ADK: variants seen among roughly 807,000 people sequenced by gnomAD.
ADK encodes adenosine kinase, also known as N6,N6-dimethyladenosine kinase.
In ADK, 24 loss-of-function variants were observed where a neutral mutation model predicts 44.7. The observed-to-expected ratio is 0.54, with a 90% CI of 0.39 to 0.76. The LOEUF is 0.76. ADK is among the 30% of genes least tolerant of loss of function. The pLI is 0.00. For missense variants in ADK, 321 were observed against 425.1 expected, an observed-to-expected ratio of 0.76 and a Z score of 2.15; for synonymous variants, 128 against 142.6, an observed-to-expected ratio of 0.90 and a Z score of 0.73.
At chr10:74,651,838 A>G (rs574873729) in intron 9 of ADK, among the ~76,000 whole-genome samples, 3 of 152,344 alleles carry the variant, frequency 2.0e-5, no homozygotes, top group Admixed American at 6.5e-5. Context: ...GAGTAACCAC[A>G]TGAATGAATG....
chr10:74,531,404 C>T (rs1256060837), intron 7 of ADK, among the ~76,000 whole-genome samples: 1 of 152,112 alleles, frequency 6.6e-6, no homozygotes, highest in African/African-American at 2.4e-5. Context: ...ACACAAAGTA[C>T]TAAATCATAC....
At chr10:74,249,098 G>A (rs1394355942) in intron 3 of ADK, among the ~76,000 whole-genome samples, 1 of 152,028 alleles carries the variant, frequency 6.6e-6, no homozygotes, top group Non-Finnish European at 1.5e-5. Flanking sequence ...ATTCTCTTCG[G>A]TTGTTGCTGG....
At chr10:74,263,612 T>C (rs1846118794) in intron 3 of ADK, among the ~76,000 whole-genome samples, 1 of 152,214 alleles carries the variant, frequency 6.6e-6, no homozygotes, top group Non-Finnish European at 1.5e-5. Flanking sequence ...GTTCTCTGTA[T>C]ACCTGTCTTC....
At chr10:74,209,418 A>G (rs1843726344) in intron 2 of ADK, among the ~76,000 whole-genome samples, 2 of 152,230 alleles carry the variant, frequency 1.3e-5, no homozygotes, top group Admixed American at 6.5e-5. Context: ...ACCCCAAACA[A>G]AATAAGAAAA....
chr10:74,679,961 A>C, intron 10 of ADK, among the ~76,000 whole-genome samples: 1 of 151,456 alleles, frequency 6.6e-6, no homozygotes, highest in African/African-American at 2.4e-5. Context: ...CCATCCCAAA[A>C]AACAAAATAA....
chr10:74,280,412 T>A (rs1415621954), intron 3 of ADK, among the ~76,000 whole-genome samples: 2 of 62,734 alleles, frequency 3.2e-5, no homozygotes, highest in Non-Finnish European at 7.5e-5. Context: ...TTAAACAAGT[T>A]TAAACACACA....
chr10:74,550,151 ACCTCTGCCTCCCGGGT>A, intron 7 of ADK, among the ~76,000 whole-genome samples: 1 of 150,926 alleles, frequency 6.6e-6, no homozygotes, highest in Non-Finnish European at 1.5e-5. Context: ...GCTCACTGCA[ACCTCTGCCTCCCGGGT>A]TCAAGTGATT....
chr10:74,533,815 A>G (rs1047052619), intron 7 of ADK, among the ~76,000 whole-genome samples: 2 of 152,226 alleles, frequency 1.3e-5, no homozygotes, highest in African/African-American at 4.8e-5. Flanking sequence ...GTCCATGTAA[A>G]GACATACACA....
intron 4 of ADK, chr10:74,371,483 A>G (rs1392547739): frequency 1.8e-5 from 12 of 677,494 alleles, no homozygotes; most frequent in Admixed American, 1.1e-4. Context: ...ATAGACGTCC[A>G]TACGGCGTTC....
intron 10 of ADK, among the ~76,000 whole-genome samples, chr10:74,705,149 A>T (rs528295059): frequency 3.5e-4 from 53 of 152,330 alleles, no homozygotes; most frequent in African/African-American, 1.3e-3. Context: ...AATGTTCTCT[A>T]CAGGTCATTA....
intron 7 of ADK, among the ~76,000 whole-genome samples, chr10:74,533,824 C>G (rs1191659521): frequency 2.0e-5 from 3 of 152,192 alleles, no homozygotes; most frequent in Non-Finnish European, 2.9e-5. Context: ...AAGACATACA[C>G]AGGTGTTTAT....
At chr10:74,498,805 C>T (rs1480134751) in intron 6 of ADK, among the ~76,000 whole-genome samples, 1 of 152,080 alleles carries the variant, frequency 6.6e-6, no homozygotes, top group South Asian at 2.1e-4. Context: ...TTGGAACCAA[C>T]CCAAATGTCC....
chr10:74,365,249 A>G (rs1354986881), intron 4 of ADK, among the ~76,000 whole-genome samples: 1 of 152,198 alleles, frequency 6.6e-6, no homozygotes, highest in Non-Finnish European at 1.5e-5. Context: ...CCCAAAGGGA[A>G]ACTCCATACC....
intron 10 of ADK, among the ~76,000 whole-genome samples, chr10:74,677,727 T>G (rs959489784): frequency 6.6e-6 from 1 of 152,114 alleles, no homozygotes; most frequent in Non-Finnish European, 1.5e-5. Context: ...TCAACAACTC[T>G]TTTTCTTGTC....
chr10:74,571,307 T>A (rs1466842550), intron 7 of ADK, among the ~76,000 whole-genome samples: 7 of 152,232 alleles, frequency 4.6e-5, no homozygotes, highest in African/African-American at 1.7e-4. Flanking sequence ...CCTCATAAAA[T>A]GAGTTAGGGA....
At chr10:74,598,426 C>G (rs571574917) in intron 8 of ADK, among the ~76,000 whole-genome samples, 1 of 148,728 alleles carries the variant, frequency 6.7e-6, no homozygotes, top group Non-Finnish European at 1.5e-5. Context: ...AGAAAGCAAC[C>G]ATGGAATCTT....
chr10:74,280,593 C>T (rs1213349771), intron 3 of ADK, among the ~76,000 whole-genome samples: 1 of 152,130 alleles, frequency 6.6e-6, no homozygotes, highest in Non-Finnish European at 1.5e-5. Flanking sequence ...TAATGCCAAC[C>T]ATCACTTCTA....
At chr10:74,343,309 C>A (rs1841648142) in intron 4 of ADK, among the ~76,000 whole-genome samples, 1 of 152,156 alleles carries the variant, frequency 6.6e-6, no homozygotes, top group Admixed American at 6.5e-5. Flanking sequence ...CTACTGTTAA[C>A]CAGAAGCCTT....
At chr10:74,628,672 A>G (rs777194940) in intron 9 of ADK, among the ~76,000 whole-genome samples, 10 of 152,054 alleles carry the variant, frequency 6.6e-5, no homozygotes, top group Non-Finnish European at 1.0e-4. Context: ...CAACCAAGAT[A>G]TTGTGTGAGC....
Sources: gnomAD v4.1 joint callset for allele counts (sites outside exome capture counted in the v4.1 genomes callset) on GRCh38, gnomAD v4.1.1 for gene constraint, MANE v1.5 for transcripts, NCBI Gene and HGNC (gene_info 2026-07-23, HGNC 2026-07-21) for gene names.